The following FSTL1 variants were observed in gnomAD, a reference collection of about 807,000 sequenced individuals.
FSTL1 encodes follistatin like 1.
Under a neutral mutation model 45.9 loss-of-function variants are expected in FSTL1, and 24 were observed. The observed-to-expected ratio is 0.52, with a 90% CI of 0.38 to 0.74. FSTL1 has a LOEUF of 0.74. FSTL1 is among the 30% of genes least tolerant of loss of function. FSTL1 has a pLI of 0.00. For synonymous variants in FSTL1, 120 were observed against 137.6 expected (o/e 0.87, Z 0.89); for missense variants, 340 against 381.8 (o/e 0.89, Z 0.91).
chr3:120,436,162 G>GA (rs1244202689), intron 2 of FSTL1, among the ~76,000 whole-genome samples: 11 of 151,792 alleles, frequency 7.2e-5, no homozygotes, highest in Non-Finnish European at 1.3e-4. Flanking sequence ...TGTAGAAAAT[G>GA]AAAAAACACA....
In FSTL1 at chr3:120,442,550, C is replaced by T. The variant is rs138454534; in HGVS notation, c.63+8134G>A. On this transcript the variant is annotated intron_variant, in intron 2 of 10. Coordinates refer to ENST00000295633, the MANE Select transcript of FSTL1 (RefSeq NM_007085.5). ...ATCCCAGCACTTTGGGAGGCTGAGG[C>T]GGGTGGATCACTTGAGGGTGGGAGT... Among the ~76,000 whole-genome samples, 503 of 152,074 alleles carry T rather than the reference C, an allele frequency of 3.3e-3. 3 individuals are homozygous for T. Among genetic ancestry groups the T allele is most frequent in the Middle Eastern group, 6.8e-3 (2 of 294 alleles).
intron 2 of FSTL1, among the ~76,000 whole-genome samples, chr3:120,417,265 T>G (rs1342614503): frequency 6.6e-6 from 1 of 152,078 alleles, no homozygotes; most frequent in Non-Finnish European, 1.5e-5. Context: ...AGTTGGTGAA[T>G]GTTTTATACT....
chr3:120,399,942 C>A lies in FSTL1; in HGVS notation c.823G>T (p.Ala275Ser). ...MTCDGKNQKG[A>S]QTQTEEEMTR... The stretch of plus-strand genomic sequence containing the variant: ...ATCTCCTCCTCTGTCTGGGTCTGGG[C>A]CCCCTTCTGATTCTTTCCTGCAAGA... Residue 275 changes from alanine to serine, a missense_variant, in exon 10 of 11, where the codon GCC becomes TCC. Ala to Ser is a moderately conservative substitution (Grantham distance 99). Coordinates refer to ENST00000295633, the MANE Select transcript of FSTL1 (RefSeq NM_007085.5). 6.2e-7 allele frequency: 1 copy of A among 1,607,924 alleles called. No homozygotes were observed. The highest frequency in any genetic ancestry group is 8.5e-7 in the Non-Finnish European group (1 of 1,176,794).
At chr3:120,430,267 GAC>G (rs1045118824) in intron 2 of FSTL1, among the ~76,000 whole-genome samples, 1 of 152,198 alleles carries the variant, frequency 6.6e-6, no homozygotes, top group African/African-American at 2.4e-5. Flanking sequence ...AGGAGTTCCT[GAC>G]AGTTACTCAT....
chr3:120,411,815 T>C (rs781298228), intron 4 of FSTL1, 39 bp downstream of exon 4: 1 of 1,589,312 alleles, frequency 6.3e-7, no homozygotes, highest in South Asian at 1.1e-5. Context: ...TGGCTCCCCG[T>C]GGCTAAAGCT....
chr3:120,436,452 G>A (rs1416203138), intron 2 of FSTL1, among the ~76,000 whole-genome samples: 1 of 152,200 alleles, frequency 6.6e-6, no homozygotes, highest in African/African-American at 2.4e-5. Flanking sequence ...ACTGGGAACT[G>A]GGGTTTTCTT....
At chr3:120,426,903 T>C (rs1937392397) in intron 2 of FSTL1, among the ~76,000 whole-genome samples, 1 of 152,180 alleles carries the variant, frequency 6.6e-6, no homozygotes, top group Non-Finnish European at 1.5e-5. Context: ...CCCTGGATAC[T>C]GAAAGCTTTG....
chr3:120,427,119 A>C (rs1937396221), intron 2 of FSTL1, among the ~76,000 whole-genome samples: 1 of 152,172 alleles, frequency 6.6e-6, no homozygotes, highest in South Asian at 2.1e-4. Context: ...ACCACCTAAA[A>C]AAATAATGTC....
intron 3 of FSTL1, among the ~76,000 whole-genome samples, chr3:120,413,723 C>T (rs2107656476): frequency 6.6e-6 from 1 of 150,496 alleles, no homozygotes; most frequent in African/African-American, 2.4e-5. Flanking sequence ...ATCCAGCCTA[C>T]AAAAGAAGTA....
intron 6 of FSTL1, among the ~76,000 whole-genome samples, chr3:120,406,833 T>A (rs1375178291): frequency 1.3e-5 from 2 of 152,230 alleles, no homozygotes; most frequent in African/African-American, 4.8e-5. Flanking sequence ...TTATCCCTTA[T>A]CTGAAATGCT....
intron 2 of FSTL1, among the ~76,000 whole-genome samples, chr3:120,446,890 C>CA (rs1937755584): frequency 6.6e-6 from 1 of 152,138 alleles, no homozygotes. Context: ...GTAATACACT[C>CA]AAAGTTCATG....
At chr3:120,417,651 G>C (rs556222087) in intron 2 of FSTL1, among the ~76,000 whole-genome samples, 2 of 152,318 alleles carry the variant, frequency 1.3e-5, no homozygotes, top group East Asian at 3.9e-4. Flanking sequence ...GGGCCCTCTT[G>C]TGGAAACTGT....
chr3:120,443,818 A>G lies in FSTL1; in HGVS notation c.63+6866T>C, dbSNP rs188268496. On this transcript the variant is annotated intron_variant, in intron 2 of 10. Coordinates refer to ENST00000295633, the MANE Select transcript of FSTL1 (RefSeq NM_007085.5). ...GGTGATGGCTTCCAAATGAGCATCTAAAGTCTGTGAAAAGATTAAATGGAA... is the reference window on the plus strand; with the variant it reads ...GGTGATGGCTTCCAAATGAGCATCTGAAGTCTGTGAAAAGATTAAATGGAA... Among the ~76,000 whole-genome samples the G allele has an allele frequency of 1.2e-4, 18 of 150,026 alleles. 2 individuals carry two copies. Among genetic ancestry groups the G allele is most frequent in the Admixed American group, 1.1e-3 (16 of 15,232 alleles).
At chr3:120,407,526 CT>C (rs1936970417) in intron 6 of FSTL1, among the ~76,000 whole-genome samples, 1 of 152,206 alleles carries the variant, frequency 6.6e-6, no homozygotes, top group Non-Finnish European at 1.5e-5. Flanking sequence ...AGATTTTGGC[CT>C]TATTCAAATT....
chr3:120,402,782 T>C (rs1265808156), intron 9 of FSTL1, 26 bp downstream of exon 9: 1 of 1,336,728 alleles, frequency 7.5e-7, no homozygotes, highest in East Asian at 2.3e-5. Flanking sequence ...TTGCTGTTTT[T>C]TCTTTCTGCT....
chr3:120,412,845 C>G (rs1266442811), intron 3 of FSTL1, among the ~76,000 whole-genome samples: 6 of 146,200 alleles, frequency 4.1e-5, no homozygotes. Context: ...CGCGCACACA[C>G]ACACACACAC....
At chr3:120,447,866 G>T (rs1206122508) in intron 2 of FSTL1, among the ~76,000 whole-genome samples, 2 of 152,172 alleles carry the variant, frequency 1.3e-5, no homozygotes, top group Non-Finnish European at 2.9e-5. Context: ...GCCCAGGCTG[G>T]TCTCAAATTC....
At chr3:120,444,879 C>T (rs554821485) in intron 2 of FSTL1, among the ~76,000 whole-genome samples, 4 of 149,754 alleles carry the variant, frequency 2.7e-5, no homozygotes, top group Middle Eastern at 3.4e-3. Flanking sequence ...CATTTGCCGG[C>T]GCTTCAAAAT....
intron 6 of FSTL1, among the ~76,000 whole-genome samples, chr3:120,406,521 G>A (rs991874687): frequency 2.0e-5 from 3 of 152,218 alleles, no homozygotes; most frequent in Non-Finnish European, 4.4e-5. Flanking sequence ...GCAGTGCTGT[G>A]TACACACACT....
Sources: gnomAD v4.1 joint callset for allele counts (sites outside exome capture counted in the v4.1 genomes callset) on GRCh38, gnomAD v4.1.1 for gene constraint, MANE v1.5 for transcripts, NCBI Gene and HGNC (gene_info 2026-07-23, HGNC 2026-07-21) for gene names.